FOXP2: variants seen among roughly 807,000 people sequenced by gnomAD.
The protein encoded by FOXP2 is forkhead box protein P2.
Under a neutral mutation model 115.8 loss-of-function variants are expected in FOXP2, and 12 were observed. The ratio of observed to expected loss-of-function variants is 0.10; its 90% CI spans 0.07 to 0.17. FOXP2 has a LOEUF of 0.17. Among genes scored for constraint, FOXP2 ranks in the 10% least tolerant of loss-of-function variants. The pLI is 1.00. For synonymous variants in FOXP2, 328 were observed against 297.7 expected (o/e 1.10, Z -1.05); for missense variants, 629 against 843.5 (o/e 0.75, Z 3.15).
chr7:114,143,915 A>T (rs980561765), intron 1 of FOXP2, among the ~76,000 whole-genome samples: 5 of 152,092 alleles, frequency 3.3e-5, no homozygotes, highest in Non-Finnish European at 7.4e-5. Flanking sequence ...GATGGTATGA[A>T]ACCATCCCTG....
chr7:114,472,139 T>C (rs1796077091), intron 2 of FOXP2, among the ~76,000 whole-genome samples: 1 of 152,154 alleles, frequency 6.6e-6, no homozygotes, highest in Admixed American at 6.6e-5. Flanking sequence ...TAGCTGGGCT[T>C]ACCTGTAATC....
chr7:114,658,861 T>G (rs2129340657), intron 11 of FOXP2, among the ~76,000 whole-genome samples: 1 of 152,252 alleles, frequency 6.6e-6, no homozygotes, highest in South Asian at 2.1e-4. Context: ...ATCTGGATAA[T>G]CACAGTCACA....
intron 16 of FOXP2, among the ~76,000 whole-genome samples, chr7:114,680,906 G>A (rs1248343351): frequency 2.7e-4 from 41 of 152,118 alleles, no homozygotes. Flanking sequence ...GGATAGTCAA[G>A]AATTTCTTTC....
At chr7:114,269,853 G>C (rs1441475898) in intron 1 of FOXP2, among the ~76,000 whole-genome samples, 1 of 152,020 alleles carries the variant, frequency 6.6e-6, no homozygotes, top group East Asian at 1.9e-4. Context: ...TTTATCACTA[G>C]AGCTCTATGT....
intron 1 of FOXP2, among the ~76,000 whole-genome samples, chr7:114,416,923 A>G (rs1793374851): frequency 6.6e-6 from 1 of 151,948 alleles, no homozygotes; most frequent in African/African-American, 2.4e-5. Context: ...CCCATGTAAA[A>G]TTTCACAGAA....
chr7:114,603,158 C>G (rs1300625393), intron 3 of FOXP2, among the ~76,000 whole-genome samples: 1 of 152,128 alleles, frequency 6.6e-6, no homozygotes, highest in African/African-American at 2.4e-5. Context: ...CAAAGAGCAA[C>G]TGGTATAATA....
intron 2 of FOXP2, among the ~76,000 whole-genome samples, chr7:114,515,958 C>T (rs1300306785): frequency 6.6e-6 from 1 of 152,084 alleles, no homozygotes; most frequent in Non-Finnish European, 1.5e-5. Flanking sequence ...TAGGAAGAAT[C>T]AATATCATGA....
At chr7:114,093,141 G>GT (rs1223178225) in intron 1 of FOXP2, among the ~76,000 whole-genome samples, 2 of 152,044 alleles carry the variant, frequency 1.3e-5, no homozygotes, top group East Asian at 1.9e-4. Context: ...AGGTCTTGTT[G>GT]TTTTTTCTCT....
chr7:114,467,329 A>G (rs575667112), intron 2 of FOXP2, among the ~76,000 whole-genome samples: 45 of 152,294 alleles, frequency 3.0e-4, no homozygotes, highest in Non-Finnish European at 5.6e-4. Context: ...AAATATAAGC[A>G]CCATTTACAT....
intron 3 of FOXP2, among the ~76,000 whole-genome samples, chr7:114,551,100 A>G (rs181698451): frequency 2.6e-5 from 4 of 152,346 alleles, no homozygotes; most frequent in African/African-American, 7.2e-5. Context: ...TTCATGTGAA[A>G]CAAATGATTA....
chr7:114,539,587 G>A (rs1448657990), intron 3 of FOXP2, among the ~76,000 whole-genome samples: 4 of 151,866 alleles, frequency 2.6e-5, no homozygotes, highest in African/African-American at 9.7e-5. Flanking sequence ...TTCAAATACT[G>A]TTTACAAGAA....
At chr7:114,667,796 G>A (rs2129344214) in intron 16 of FOXP2, 1 of 152,224 alleles carries the variant, frequency 6.6e-6, no homozygotes, top group South Asian at 2.1e-4. Flanking sequence ...TAATCTAAAA[G>A]TGTACTGAAT....
intron 2 of FOXP2, among the ~76,000 whole-genome samples, chr7:114,360,187 C>T (rs1791712538): frequency 6.6e-6 from 1 of 152,140 alleles, no homozygotes; most frequent in Admixed American, 6.5e-5. Flanking sequence ...CACCTGCTCT[C>T]TTGTCTGCTG....
intron 1 of FOXP2, among the ~76,000 whole-genome samples, chr7:114,113,329 A>G (rs1018827619): frequency 6.6e-6 from 1 of 152,202 alleles, no homozygotes; most frequent in African/African-American, 2.4e-5. Flanking sequence ...TCAAATCCTA[A>G]ACAAAAATCA....
intron 2 of FOXP2, among the ~76,000 whole-genome samples, chr7:114,367,413 C>G (rs752539058): frequency 2.0e-5 from 3 of 152,126 alleles, no homozygotes; most frequent in Non-Finnish European, 4.4e-5. Context: ...ATATCCTCAC[C>G]CAGGGATTGT....
chr7:114,211,840 G>A (rs777384843), intron 1 of FOXP2, among the ~76,000 whole-genome samples: 4 of 152,010 alleles, frequency 2.6e-5, no homozygotes, highest in Non-Finnish European at 5.9e-5. Flanking sequence ...TGGGAGGCCA[G>A]GGAGGGCAGA....
intron 1 of FOXP2, among the ~76,000 whole-genome samples, chr7:114,220,751 A>T (rs1402617670): frequency 6.6e-6 from 1 of 152,216 alleles, no homozygotes; most frequent in African/African-American, 2.4e-5. Flanking sequence ...TAATAGAAAT[A>T]TGTTAAATAC....
In FOXP2 at chr7:114,415,246, T is replaced by A. The variant is rs934746143; in HGVS notation, c.-125T>A. The A allele has an allele frequency of 4.4e-6, 2 of 453,828 alleles. No individual in the cohort carries two copies. Among genetic ancestry groups the A allele is most frequent in the Non-Finnish European group, 8.8e-6 (2 of 226,724 alleles). The allele number at this position is 453,828 out of a possible 1,614,324, so 28.1% of individuals were successfully genotyped here. A position where few individuals can be genotyped will look rare whatever the true frequency, so the allele number is the denominator to read the frequency against. Reference sequence around the variant, plus strand: ...AGTGAGCTAGCTTCTGAGTTTTCCCTTCTTTTTATACTGTTTTCTGTGCTG... The same window carrying A: ...AGTGAGCTAGCTTCTGAGTTTTCCCATCTTTTTATACTGTTTTCTGTGCTG... On this transcript the variant is annotated 5_prime_UTR_variant, in exon 1 of 17. Transcript: ENST00000350908.
intron 2 of FOXP2, among the ~76,000 whole-genome samples, chr7:114,432,499 A>T (rs1447250324): frequency 6.6e-6 from 1 of 152,010 alleles, no homozygotes; most frequent in African/African-American, 2.4e-5. Flanking sequence ...TAGGTAAAGT[A>T]CTGTTAAGGG....
Sources: allele counts gnomAD v4.1 joint callset (sites outside exome capture counted in the v4.1 genomes callset), GRCh38; gene constraint gnomAD v4.1.1; transcripts MANE v1.5; gene names NCBI Gene and HGNC (gene_info 2026-07-23, HGNC 2026-07-21).